RIOK1: variants seen among roughly 807,000 people sequenced by gnomAD.
RIOK1 encodes the protein RIO kinase 1.
Under a neutral mutation model 73.5 loss-of-function variants are expected in RIOK1, and 66 were observed. The ratio of observed to expected loss-of-function variants is 0.90; its 90% CI spans 0.74 to 1.10. The LOEUF is 1.10. RIOK1 is among the 50% of genes least tolerant of loss of function. RIOK1 has a pLI of 0.00. For synonymous variants in RIOK1, 224 were observed against 226.8 expected, an observed-to-expected ratio of 0.99 and a Z score of 0.11; for missense variants, 658 against 699.8, an observed-to-expected ratio of 0.94 and a Z score of 0.67.
At chr6:7,404,774 C>T in intron 10 of RIOK1, 144 bp from the exon 11 acceptor site, 1 of 876,582 alleles carries the variant, frequency 1.1e-6, no homozygotes, top group East Asian at 2.6e-5. Flanking sequence ...TTCCCAGTTC[C>T]ATCTGTTAGT....
chr6:7,410,702 T>A (rs1010846265), intron 13 of RIOK1, among the ~76,000 whole-genome samples: 1 of 152,230 alleles, frequency 6.6e-6, no homozygotes, highest in African/African-American at 2.4e-5. Flanking sequence ...TTAAAGAGCC[T>A]GTTAGGATAT....
intron 16 of RIOK1, among the ~76,000 whole-genome samples, chr6:7,416,447 G>A (rs1236968400): frequency 6.6e-6 from 1 of 152,120 alleles, no homozygotes; most frequent in Non-Finnish European, 1.5e-5. Flanking sequence ...AGGAGATCGA[G>A]ACCATCCTGG....
In RIOK1 at chr6:7,404,448, A is replaced by G; in HGVS notation, c.885A>G (p.Leu295=). 1 of 1,614,148 alleles carries G rather than the reference A, an allele frequency of 6.2e-7. No individual in the cohort carries two copies. The highest frequency in any genetic ancestry group is 1.1e-5 in the South Asian group (1 of 91,088). Reference sequence around the variant, plus strand: ...CACCACTCTTGAAAAATGTCCAGTTATCAGAATCCAAGGCTCGGGAGTTGT... The same window carrying G: ...CACCACTCTTGAAAAATGTCCAGTTGTCAGAATCCAAGGCTCGGGAGTTGT... ...MPAPLLKNVQ[L]SESKARELYL... Residue 295 remains leucine (L), a synonymous_variant, in exon 10 of 17, where the codon TTA becomes TTG. Transcript: ENST00000379834.
rs371718113 is a variant in RIOK1 at position 7,395,059 on chromosome 6, C to T, written c.283C>T (p.Arg95Ter). The change falls in exon 3 of 17, where the codon CGA becomes TGA. Residue 95 changes from arginine to a stop codon, truncating the protein, a stop_gained. Coordinates refer to ENST00000379834, the MANE Select transcript of RIOK1 (RefSeq NM_031480.3). LOFTEE classifies it high-confidence loss of function. The stretch of plus-strand genomic sequence containing the variant: ...CTCTGGAATTCCCTTCTAGGCAAAT[C>T]GACAGACCTCCGACAGCAGTTCAGC... ...WNGGSNPQAN[R>*]QTSDSSSAKM... 40 of 1,613,822 alleles carry T rather than the reference C, an allele frequency of 2.5e-5. No homozygotes were observed. The highest frequency in any genetic ancestry group is 6.7e-5 in the Admixed American group (4 of 60,018).
intron 4 of RIOK1, 130 bp downstream of exon 4, chr6:7,396,902 T>TGTGTGTGA (rs1432958364): frequency 1.9e-6 from 1 of 533,478 alleles, no homozygotes; most frequent in Non-Finnish European, 3.4e-6. Flanking sequence ...GGTGTGTGTG[T>TGTGTGTGA]GTGTGTGTGT....
At chr6:7,400,177 A>G (rs1050006319) in intron 5 of RIOK1, among the ~76,000 whole-genome samples, 1 of 152,192 alleles carries the variant, frequency 6.6e-6, no homozygotes, top group Non-Finnish European at 1.5e-5. Context: ...GCTTACCGTG[A>G]TTTACTAATC....
chr6:7,415,337 G>C (rs1761973500), intron 16 of RIOK1, among the ~76,000 whole-genome samples: 1 of 152,202 alleles, frequency 6.6e-6, no homozygotes, highest in Admixed American at 6.5e-5. Context: ...CCAGAAGTTT[G>C]AGGTTCTAGT....
At chr6:7,416,163 A>G (rs867822943) in intron 16 of RIOK1, among the ~76,000 whole-genome samples, 1 of 152,168 alleles carries the variant, frequency 6.6e-6, no homozygotes. Context: ...ACCTTATACA[A>G]TGTGGGTCCC....
At chr6:7,404,714 T>C (rs371949382) in intron 10 of RIOK1, among the ~76,000 whole-genome samples, 159 bp downstream of exon 10, 237 of 152,352 alleles carry the variant, frequency 1.6e-3, no homozygotes, top group Middle Eastern at 0.014. Context: ...GTGACCTTAG[T>C]CACCGAATTG....
At chr6:7,402,260 C>T (rs537211319) in intron 6 of RIOK1, among the ~76,000 whole-genome samples, 1 of 152,316 alleles carries the variant, frequency 6.6e-6, no homozygotes, top group South Asian at 2.1e-4. Context: ...GTACTGAATA[C>T]TGTAACAATT....
intron 13 of RIOK1, among the ~76,000 whole-genome samples, chr6:7,410,956 T>C (rs1249839016): frequency 6.6e-6 from 1 of 152,150 alleles, no homozygotes; most frequent in East Asian, 1.9e-4. Context: ...AGCAGCTGGG[T>C]ATGTTTCGTA....
At chr6:7,411,836 A>C (rs1043697924) in intron 14 of RIOK1, among the ~76,000 whole-genome samples, 1 of 152,232 alleles carries the variant, frequency 6.6e-6, no homozygotes, top group Non-Finnish European at 1.5e-5. Context: ...AAGAAACAAA[A>C]TTGAGGTGAT....
intron 15 of RIOK1, among the ~76,000 whole-genome samples, chr6:7,413,308 G>A (rs1057149079): frequency 1.3e-5 from 2 of 152,184 alleles, no homozygotes; most frequent in African/African-American, 2.4e-5. Context: ...TTGGAATGTA[G>A]TCTCCTACCA....
chr6:7,394,941 A>G, intron 2 of RIOK1, 112 bp from the exon 3 acceptor site: 1 of 1,496,274 alleles, frequency 6.7e-7, no homozygotes, highest in Non-Finnish European at 9.1e-7. Flanking sequence ...TCCTTAAGAT[A>G]CTCCTCTAAG....
At chr6:7,397,289 T>C (rs1234899032) in intron 4 of RIOK1, among the ~76,000 whole-genome samples, 1 of 152,042 alleles carries the variant, frequency 6.6e-6, no homozygotes, top group African/African-American at 2.4e-5. Context: ...AAATAAAAAT[T>C]AATGAATTTT....
intron 4 of RIOK1, 132 bp from the exon 5 acceptor site, chr6:7,398,566 A>G (rs1247109136): frequency 7.6e-6 from 5 of 658,168 alleles, no homozygotes; most frequent in East Asian, 2.8e-5. Flanking sequence ...AAAATCTACA[A>G]TCATATCATA....
rs1321353391 is a variant in RIOK1, at chr6:7,405,266, A to G, written c.1114A>G (p.Ser372Gly). The G allele has an allele frequency of 4.3e-6, 7 of 1,610,644 alleles. No homozygotes were observed. The highest frequency in any genetic ancestry group is 1.3e-5 in the African/African-American group (1 of 74,828). ...TCTGACAGATTTCTTTATGAGGCAC[A>G]GTGTTGCTGTCATGACTGTGCGGGA... ...ANVNDFFMRHSVAVMTVRELF... is the reference protein window; with the variant it reads ...ANVNDFFMRHGVAVMTVRELF... Residue 372 changes from serine (S) to glycine (G), a missense_variant, in exon 12 of 17, where the codon AGT becomes GGT. Transcript: ENST00000379834.
At chr6:7,403,558 G>A (rs1335400944) in intron 8 of RIOK1, among the ~76,000 whole-genome samples, 1 of 152,164 alleles carries the variant, frequency 6.6e-6, no homozygotes, top group Non-Finnish European at 1.5e-5. Flanking sequence ...AGTCTTTTGT[G>A]TTCAACAAGC....
intron 14 of RIOK1, 67 bp from the exon 15 acceptor site, chr6:7,412,822 A>G: frequency 1.4e-6 from 1 of 735,754 alleles, no homozygotes; most frequent in Non-Finnish European, 2.2e-6. Flanking sequence ...TTAATAGTGC[A>G]ATATGCATAT....
Sources: allele counts gnomAD v4.1 joint callset (sites outside exome capture counted in the v4.1 genomes callset), GRCh38; gene constraint gnomAD v4.1.1; transcripts MANE v1.5; gene names NCBI Gene and HGNC (gene_info 2026-07-23, HGNC 2026-07-21).